Variants in IQCJ observed in about 807,000 individuals in gnomAD.
IQCJ encodes the protein IQ domain-containing protein J.
In IQCJ, 9 loss-of-function variants were observed where a neutral mutation model predicts 11.0. That is an observed-to-expected ratio of 0.82 (90% CI 0.49 to 1.43). IQCJ has a LOEUF of 1.43. IQCJ is among the 40% of genes most tolerant of loss of function. The pLI is 0.00. For missense variants in IQCJ, 146 were observed against 133.2 expected (o/e 1.10, Z -0.47); for synonymous variants, 55 against 51.3 (o/e 1.07, Z -0.31).
intron 1 of IQCJ, among the ~76,000 whole-genome samples, chr3:159,169,279 C>CTTTTTTTTTTTTTTTTTTTTTTTTT (rs141888128): frequency 7.1e-5 from 4 of 56,392 alleles, no homozygotes; most frequent in South Asian, 9.2e-4. Flanking sequence ...TTCTTTCTTT[C>CTTTTTTTTTTTTTTTTTTTTTTTTT]TTTTTTTTTT....
At chr3:159,140,724 T>G (rs1720554846) in intron 1 of IQCJ, among the ~76,000 whole-genome samples, 1 of 152,230 alleles carries the variant, frequency 6.6e-6, no homozygotes. Flanking sequence ...TCTACTGCTC[T>G]GTCCCTCCAT....
chr3:159,132,518 T>C (rs1255938648), intron 1 of IQCJ, among the ~76,000 whole-genome samples: 1 of 152,208 alleles, frequency 6.6e-6, no homozygotes, highest in African/African-American at 2.4e-5. Context: ...AATGAAGTTG[T>C]GTGACCAGAG....
chr3:159,208,586 T>G (rs542681595), intron 1 of IQCJ, among the ~76,000 whole-genome samples: 2 of 152,224 alleles, frequency 1.3e-5, no homozygotes, highest in Non-Finnish European at 2.9e-5. Context: ...ACTCAATTCC[T>G]AACAATCCTC....
intron 1 of IQCJ, among the ~76,000 whole-genome samples, chr3:159,130,693 T>C (rs1315462671): frequency 2.0e-5 from 3 of 152,176 alleles, no homozygotes; most frequent in Admixed American, 6.5e-5. Context: ...ATTTCCTGTA[T>C]GTCAGGAAGC....
intron 1 of IQCJ, among the ~76,000 whole-genome samples, chr3:159,234,629 A>G (rs1459780869): frequency 6.6e-6 from 1 of 152,184 alleles, no homozygotes; most frequent in African/African-American, 2.4e-5. Context: ...CCCTGTCTCT[A>G]CAATAATAAA....
rs1355302445 is a variant in IQCJ, at chr3:159,069,418, T to C, written c.-15T>C. 2 of 1,609,674 alleles carry C rather than the reference T, an allele frequency of 1.2e-6. No individual in the cohort carries two copies. The highest frequency in any genetic ancestry group is 3.4e-5 in the Admixed American group (2 of 59,264). On this transcript the variant is annotated 5_prime_UTR_variant, in exon 1 of 4. Coordinates refer to ENST00000397832, the MANE Select transcript of IQCJ (RefSeq NM_001042706.3). ...CCAGTCTCCTTTCACCTGCAGGTGT[T>C]CCAGAAACTTCAAAATGCGTCTGGT...
At chr3:159,183,959 T>G (rs1723241070) in intron 1 of IQCJ, among the ~76,000 whole-genome samples, 1 of 151,630 alleles carries the variant, frequency 6.6e-6, no homozygotes, top group African/African-American at 2.4e-5. Flanking sequence ...TAGAGTTTCC[T>G]GCCTTTTCTC....
chr3:159,185,108 C>G (rs1178521038), intron 1 of IQCJ, among the ~76,000 whole-genome samples: 1 of 152,326 alleles, frequency 6.6e-6, no homozygotes, highest in Non-Finnish European at 1.5e-5. Context: ...AGAGCCCTAT[C>G]AGGCCCATTA....
chr3:159,186,614 G>A (rs994794766), intron 1 of IQCJ, among the ~76,000 whole-genome samples: 2 of 152,182 alleles, frequency 1.3e-5, no homozygotes, highest in African/African-American at 4.8e-5. Context: ...CATTACTTTT[G>A]AGCAGCAGAA....
At chr3:159,102,850 G>A (rs986893140) in intron 1 of IQCJ, among the ~76,000 whole-genome samples, 1 of 152,030 alleles carries the variant, frequency 6.6e-6, no homozygotes, top group African/African-American at 2.4e-5. Flanking sequence ...CTTGAGTGAG[G>A]GGATCTCCAA....
chr3:159,096,375 T>A (rs1717755342), intron 1 of IQCJ, among the ~76,000 whole-genome samples: 1 of 148,648 alleles, frequency 6.7e-6, no homozygotes, highest in African/African-American at 2.5e-5. Context: ...TTTAATTAGA[T>A]CCCATTTGTC....
intron 1 of IQCJ, among the ~76,000 whole-genome samples, chr3:159,085,465 T>C (rs928526779): frequency 8.4e-4 from 128 of 151,896 alleles, no homozygotes; most frequent in Non-Finnish European, 1.3e-3. Flanking sequence ...ATGGTATTTC[T>C]AGTTCTAGAT....
At chr3:159,165,293 T>C (rs142115449) in intron 1 of IQCJ, among the ~76,000 whole-genome samples, 3 of 152,320 alleles carry the variant, frequency 2.0e-5, no homozygotes, top group Admixed American at 6.5e-5. Flanking sequence ...TGATAGCACA[T>C]ATCACAAGGT....
chr3:159,156,774 G>T (rs549861149), intron 1 of IQCJ, among the ~76,000 whole-genome samples: 1 of 152,022 alleles, frequency 6.6e-6, no homozygotes, highest in Non-Finnish European at 1.5e-5. Context: ...TTAGAAGAAG[G>T]GTTCTAGTAC....
At chr3:159,259,583 A>G (rs2108230911) in intron 3 of IQCJ, among the ~76,000 whole-genome samples, 2 of 152,352 alleles carry the variant, frequency 1.3e-5, no homozygotes, top group East Asian at 3.9e-4. Flanking sequence ...CAGTAAAATA[A>G]CATCTGGAGA....
intron 1 of IQCJ, among the ~76,000 whole-genome samples, chr3:159,146,480 C>T (rs573992410): frequency 2.0e-5 from 3 of 152,272 alleles, no homozygotes; most frequent in South Asian, 2.1e-4. Context: ...TCCATTCCTT[C>T]ACTTCACGAT....
chr3:159,086,441 C>T (rs889580840), intron 1 of IQCJ, among the ~76,000 whole-genome samples: 2 of 152,070 alleles, frequency 1.3e-5, no homozygotes, highest in Non-Finnish European at 2.9e-5. Flanking sequence ...TAGTTTTTTC[C>T]AATTCTTTGA....
intron 1 of IQCJ, among the ~76,000 whole-genome samples, chr3:159,230,179 T>G (rs979165791): frequency 6.6e-6 from 1 of 152,034 alleles, no homozygotes; most frequent in African/African-American, 2.4e-5. Flanking sequence ...CTCTTAGGAT[T>G]ATGGCCTCAA....
At chr3:159,111,427 G>A (rs1240312460) in intron 1 of IQCJ, among the ~76,000 whole-genome samples, 1 of 152,014 alleles carries the variant, frequency 6.6e-6, no homozygotes, top group Non-Finnish European at 1.5e-5. Flanking sequence ...TAAGTTGACC[G>A]GTATTTCTCA....
Sources: gnomAD v4.1 joint callset for allele counts (sites outside exome capture counted in the v4.1 genomes callset) on GRCh38, gnomAD v4.1.1 for gene constraint, MANE v1.5 for transcripts, NCBI Gene and HGNC (gene_info 2026-07-23, HGNC 2026-07-21) for gene names.